The following RB1CC1 variants were observed in gnomAD, a reference collection of about 807,000 sequenced individuals.
RB1CC1 encodes RB1 inducible coiled-coil 1.
A neutral mutation model predicts 177.5 loss-of-function variants in RB1CC1; 46 were observed. The observed-to-expected ratio is 0.26, with a 90% CI of 0.20 to 0.33. The LOEUF (loss-of-function observed/expected upper bound fraction) is 0.33, where lower values mean the gene tolerates loss of function less well. Among genes scored for constraint, RB1CC1 ranks in the 10% least tolerant of loss-of-function variants. The probability of loss-of-function intolerance (pLI) is 1.00; values close to 1 mark genes in which losing one functional copy is unlikely to be tolerated. For synonymous variants in RB1CC1, 666 were observed against 613.6 expected (o/e 1.09, Z -1.26); for missense variants, 1,703 against 1,816.3 (o/e 0.94, Z 1.13).
At chr8:52,628,313 C>T in intron 21 of RB1CC1, 145 bp from the exon 22 acceptor site, 1 of 871,016 alleles carries the variant, frequency 1.1e-6, no homozygotes. Context: ...ACTCTTTTTG[C>T]ATTCTGCCCA....
chr8:52,661,503 C>T (rs748008566), intron 9 of RB1CC1, 32 bp downstream of exon 9: 3 of 1,532,964 alleles, frequency 2.0e-6, no homozygotes, highest in Non-Finnish European at 2.6e-6. Flanking sequence ...CAATTCTAAA[C>T]ATCTTAAAAC....
chr8:52,671,778 T>C (rs1158479870), intron 7 of RB1CC1, among the ~76,000 whole-genome samples: 2 of 152,194 alleles, frequency 1.3e-5, no homozygotes, highest in African/African-American at 4.8e-5. Context: ...TGTAAATGTA[T>C]GCCATGGTGG....
At chr8:52,663,343 T>C (rs940200727) in intron 8 of RB1CC1, among the ~76,000 whole-genome samples, 2 of 151,444 alleles carry the variant, frequency 1.3e-5, no homozygotes, top group Non-Finnish European at 2.9e-5. Flanking sequence ...TTCATAGGTT[T>C]GGTGAGTGAG....
At chr8:52,707,432 C>CTTTTTTTTTTTTTTTTTTT (rs386412758) in intron 1 of RB1CC1, among the ~76,000 whole-genome samples, 1 of 128,848 alleles carries the variant, frequency 7.8e-6, no homozygotes, top group Non-Finnish European at 1.6e-5. Context: ...TTCTTTCTTT[C>CTTTTTTTTTTTTTTTTTTT]TTTTTTTTTT....
intron 15 of RB1CC1, among the ~76,000 whole-genome samples, chr8:52,650,815 T>C (rs1222800541): frequency 6.6e-6 from 1 of 152,180 alleles, no homozygotes; most frequent in Non-Finnish European, 1.5e-5. Context: ...AAGGCAAGGC[T>C]TTGAGACATG....
At chr8:52,676,140 A>G (rs1005636794) in intron 6 of RB1CC1, among the ~76,000 whole-genome samples, 10 of 152,198 alleles carry the variant, frequency 6.6e-5, no homozygotes, top group African/African-American at 2.4e-4. Flanking sequence ...TATTACAAGT[A>G]AAACAACCCA....
At chr8:52,624,910 T>A in intron 22 of RB1CC1, 123 bp from the exon 23 acceptor site, 1 of 650,446 alleles carries the variant, frequency 1.5e-6, no homozygotes, top group Non-Finnish European at 2.5e-6. Flanking sequence ...TGTAAGACTT[T>A]AAAAACTACC....
At chr8:52,641,881 G>A (rs1849617335) in intron 18 of RB1CC1, among the ~76,000 whole-genome samples, 1 of 152,036 alleles carries the variant, frequency 6.6e-6, no homozygotes, top group Admixed American at 6.6e-5. Flanking sequence ...AGGAGAACTG[G>A]TAAGAAAGTT....
rs1240725410 is a variant in RB1CC1, at chr8:52,657,996, G to A, written c.1920+2C>T. On this transcript the variant is annotated splice_donor_variant, in intron 14 of 23. Coordinates refer to ENST00000025008, the MANE Select transcript of RB1CC1 (RefSeq NM_014781.5). LOFTEE classifies it low-confidence loss of function (GC_TO_GT_DONOR). ...AAAACTGTTTGAAAGAATTGAATTT[G>A]CCTTTTGTTCACTCAGTAGATCTGT... The A allele has an allele frequency of 9.9e-6, 16 of 1,613,548 alleles. No homozygotes were observed. The highest frequency in any genetic ancestry group is 1.4e-5 in the Non-Finnish European group (16 of 1,179,868).
intron 1 of RB1CC1, among the ~76,000 whole-genome samples, chr8:52,701,060 A>G (rs1856005003): frequency 6.6e-6 from 1 of 152,214 alleles, no homozygotes; most frequent in South Asian, 2.1e-4. Flanking sequence ...GGAAACAGAC[A>G]TAACTGGTCT....
intron 12 of RB1CC1, 50 bp downstream of exon 12, chr8:52,660,534 CTTCTGGAAAAAA>C (rs1851519894): frequency 7.1e-7 from 1 of 1,402,534 alleles, no homozygotes; most frequent in African/African-American, 1.5e-5. Flanking sequence ...AATGTCTCTA[CTTCTGGAAAAAA>C]GGTTTTAAAA....
intron 16 of RB1CC1, among the ~76,000 whole-genome samples, chr8:52,644,228 CAAATAACCTTAAAT>C (rs1849811204): frequency 6.6e-6 from 1 of 152,018 alleles, no homozygotes; most frequent in Admixed American, 6.6e-5. Context: ...GAGCTAGGTA[CAAATAACCTTAAAT>C]AAATACAACT....
intron 15 of RB1CC1, among the ~76,000 whole-genome samples, chr8:52,651,454 C>T (rs565897942): frequency 3.3e-5 from 5 of 152,276 alleles, no homozygotes; most frequent in African/African-American, 9.6e-5. Context: ...ACTATCTGGG[C>T]CTTTATAAAA....
intron 12 of RB1CC1, 96 bp from the exon 13 acceptor site, chr8:52,659,072 C>A: frequency 1.8e-6 from 1 of 567,506 alleles, no homozygotes; most frequent in Non-Finnish European, 2.9e-6. Context: ...ATTTACTATA[C>A]CAAACAAACT....
At chr8:52,683,473 G>A (rs1164957148) in intron 5 of RB1CC1, 76 bp downstream of exon 5, 1 of 1,254,318 alleles carries the variant, frequency 8.0e-7, no homozygotes, top group African/African-American at 1.5e-5. Flanking sequence ...TACTTCCTAT[G>A]CAATTTAGAC....
chr8:52,668,266 T>A (rs951244592), intron 7 of RB1CC1, 75 bp from the exon 8 acceptor site: 1 of 1,505,486 alleles, frequency 6.6e-7, no homozygotes, highest in Non-Finnish European at 9.0e-7. Flanking sequence ...TATTCTGACA[T>A]ACAGCTTGAG....
intron 1 of RB1CC1, among the ~76,000 whole-genome samples, chr8:52,706,006 T>G (rs890460353): frequency 6.6e-5 from 10 of 152,208 alleles, no homozygotes; most frequent in African/African-American, 2.4e-4. Flanking sequence ...CATATGTATA[T>G]GCAAGCACTT....
intron 20 of RB1CC1, among the ~76,000 whole-genome samples, chr8:52,633,983 G>C (rs57986088): frequency 4.6e-5 from 7 of 152,162 alleles, no homozygotes; most frequent in African/African-American, 1.4e-4. Flanking sequence ...TGGGTGCAGC[G>C]GCACTCGCCT....
intron 1 of RB1CC1, among the ~76,000 whole-genome samples, chr8:52,713,549 A>T (rs1857234176): frequency 6.6e-6 from 1 of 152,168 alleles, no homozygotes; most frequent in African/African-American, 2.4e-5. Context: ...CGGGACAAAG[A>T]CATCATCTCT....
Sources: allele counts gnomAD v4.1 joint callset (sites outside exome capture counted in the v4.1 genomes callset), GRCh38; gene constraint gnomAD v4.1.1; transcripts MANE v1.5; gene names NCBI Gene and HGNC (gene_info 2026-07-23, HGNC 2026-07-21).